AMD1: variants seen among roughly 807,000 people sequenced by gnomAD.
AMD1 encodes the protein S-adenosylmethionine decarboxylase proenzyme.
A neutral mutation model predicts 40.2 loss-of-function variants in AMD1; 11 were observed. That is an observed-to-expected ratio of 0.27 (90% CI 0.17 to 0.45). AMD1 has a LOEUF of 0.45. AMD1 is among the 20% of genes least tolerant of loss of function. The pLI, the probability that AMD1 is intolerant of heterozygous loss-of-function variation, is 1.00. For missense variants in AMD1, 257 were observed against 410.2 expected (o/e 0.63, Z 3.23); for synonymous variants, 121 against 130.8 (o/e 0.93, Z 0.51).
At chr6:110,833,931 GT>G in the AMD1 span, among the ~76,000 whole-genome samples, 1 of 152,132 alleles carries the variant, frequency 6.6e-6, no homozygotes, top group Non-Finnish European at 1.5e-5. Flanking sequence ...GTGGTTTATA[GT>G]TATCAGTATT....
the AMD1 span, among the ~76,000 whole-genome samples, chr6:110,860,593 G>A: frequency 6.6e-6 from 1 of 151,888 alleles, no homozygotes; most frequent in Non-Finnish European, 1.5e-5. Context: ...GAGGTCAGGA[G>A]TTCGCGACCA....
the AMD1 span, among the ~76,000 whole-genome samples, chr6:110,865,675 G>A: frequency 5.9e-5 from 9 of 152,054 alleles, no homozygotes; most frequent in South Asian, 4.2e-4. Context: ...GATCACAGGC[G>A]TGAGCCACTG....
chr6:110,814,637 C>T, the AMD1 span: 1 of 483,176 alleles, frequency 2.1e-6, no homozygotes, highest in Non-Finnish European at 4.1e-6. Flanking sequence ...AGGGCCGGAG[C>T]GGCAACTCCG....
chr6:110,884,422 T>C (rs1785576036), intron 1 of AMD1, among the ~76,000 whole-genome samples: 1 of 152,244 alleles, frequency 6.6e-6, no homozygotes. Flanking sequence ...GTATCTGTGC[T>C]ACAAGTTGTA....
At chr6:110,821,188 G>A in the AMD1 span, among the ~76,000 whole-genome samples, 1 of 152,190 alleles carries the variant, frequency 6.6e-6, no homozygotes, top group African/African-American at 2.4e-5. Context: ...AGAAATGGTG[G>A]CGGCATGGAG....
chr6:110,886,026 A>G (rs1295932365), intron 1 of AMD1, among the ~76,000 whole-genome samples: 1 of 152,106 alleles, frequency 6.6e-6, no homozygotes, highest in African/African-American at 2.4e-5. Context: ...AGGCCGAGGC[A>G]GGCGGATCAC....
At position 110,893,702 on chromosome 6, in the gene AMD1, C is replaced by A; in HGVS notation, c.*86C>A. 1 of 1,445,432 alleles carries A rather than the reference C, an allele frequency of 6.9e-7. No homozygotes were observed. The highest frequency in any genetic ancestry group is 1.2e-5 in the South Asian group (1 of 80,670). The allele number at this position is 1,445,432 out of a possible 1,614,324, so 89.5% of individuals were successfully genotyped here. A position where few individuals can be genotyped will look rare whatever the true frequency, so the allele number is the denominator to read the frequency against. On this transcript the variant is annotated 3_prime_UTR_variant, in exon 9 of 9. Transcript: ENST00000368885. Reference sequence around the variant, plus strand: ...CTAGATGTCGATGCTGGGGGCAGTGCTTTCCATAACCACCACTGTGTAGTT... The same window carrying A: ...CTAGATGTCGATGCTGGGGGCAGTGATTTCCATAACCACCACTGTGTAGTT...
the AMD1 span, among the ~76,000 whole-genome samples, chr6:110,834,113 T>C: frequency 6.6e-6 from 1 of 152,202 alleles, no homozygotes; most frequent in African/African-American, 2.4e-5. Context: ...CTGGTTTTTT[T>C]GTAGAGACGA....
chr6:110,831,882 C>T, the AMD1 span, among the ~76,000 whole-genome samples: 21 of 152,054 alleles, frequency 1.4e-4, 1 homozygote, highest in South Asian at 4.4e-3. Context: ...CACAGTTTGT[C>T]ACCCAGGCTG....
the AMD1 span, among the ~76,000 whole-genome samples, chr6:110,849,620 A>AT: frequency 4.7e-4 from 72 of 152,186 alleles, no homozygotes; most frequent in Non-Finnish European, 6.2e-4. Flanking sequence ...CATTTACACA[A>AT]TTTTTTTTAA....
At chr6:110,884,514 C>T (rs1283108302) in intron 1 of AMD1, among the ~76,000 whole-genome samples, 1 of 152,096 alleles carries the variant, frequency 6.6e-6, no homozygotes, top group Admixed American at 6.6e-5. Flanking sequence ...GTTCACTGCA[C>T]CCTCCATCTC....
the AMD1 span, among the ~76,000 whole-genome samples, chr6:110,835,196 T>C: frequency 6.6e-6 from 1 of 151,132 alleles, no homozygotes; most frequent in Admixed American, 6.6e-5. Flanking sequence ...TTTTTTGTAT[T>C]TTTAGTAGAG....
At chr6:110,815,167 CGGGGG>C in the AMD1 span, 3 of 1,535,282 alleles carry the variant, frequency 2.0e-6, no homozygotes, top group South Asian at 3.5e-5. Flanking sequence ...GCACGGGACG[CGGGGG>C]CCGCCGCCGC....
chr6:110,875,033 C>A lies in AMD1; in HGVS notation c.-73C>A. The A allele has an allele frequency of 8.4e-7, 1 of 1,191,510 alleles. No individual in the cohort carries two copies. Among genetic ancestry groups the A allele is most frequent in the Non-Finnish European group, 1.2e-6 (1 of 824,004 alleles). The allele number at this position is 1,191,510 out of a possible 1,614,324, so 73.8% of individuals were successfully genotyped here. On this transcript the variant is annotated 5_prime_UTR_variant, in exon 1 of 9. Transcript: ENST00000368885. Reference sequence around the variant, plus strand: ...CAGCTGGAACAATCCGCAGCGGCGGCGGCAGCGGCGGGAGAAGAGGTTTAA... The same window carrying A: ...CAGCTGGAACAATCCGCAGCGGCGGAGGCAGCGGCGGGAGAAGAGGTTTAA...
At chr6:110,873,846 T>C (rs957824), upstream of AMD1, among the ~76,000 whole-genome samples, 25,672 of 152,242 alleles carry the variant, frequency 0.17, 2,912 homozygotes, top group Middle Eastern at 0.29. Context: ...CATGGGAAGA[T>C]AGCACTGTAA....
intron 1 of AMD1, 49 bp downstream of exon 1, chr6:110,875,264 G>A: frequency 2.1e-6 from 3 of 1,426,958 alleles, no homozygotes; most frequent in African/African-American, 1.4e-5. Flanking sequence ...GGCTGTCGCC[G>A]CCGCCGAGGC....
At chr6:110,891,002 G>C (rs1338905569) in intron 4 of AMD1, 1 of 152,176 alleles carries the variant, frequency 6.6e-6, no homozygotes, top group East Asian at 1.9e-4. Flanking sequence ...TTAAAATGTA[G>C]AATTGATCAC....
the AMD1 span, chr6:110,864,596 A>T: frequency 7.2e-5 from 11 of 152,218 alleles, no homozygotes; most frequent in Non-Finnish European, 1.2e-4. Context: ...TTAAATTTCA[A>T]TCTGACAGAT....
the AMD1 span, among the ~76,000 whole-genome samples, chr6:110,836,012 CAAAAAAA>C: frequency 9.9e-5 from 6 of 60,750 alleles, no homozygotes; most frequent in South Asian, 6.4e-4. Context: ...GACCTTGACT[CAAAAAAA>C]AAAAAAAAAA....
Sources: gnomAD v4.1 joint callset for allele counts (sites outside exome capture counted in the v4.1 genomes callset) on GRCh38, gnomAD v4.1.1 for gene constraint, MANE v1.5 for transcripts, NCBI Gene and HGNC (gene_info 2026-07-23, HGNC 2026-07-21) for gene names.